The following LHPP variants were observed in gnomAD, a reference collection of about 807,000 sequenced individuals.
LHPP encodes hLHPP.
In LHPP, 24 loss-of-function variants were observed where a neutral mutation model predicts 30.3. That is an observed-to-expected ratio of 0.79 (90% CI 0.57 to 1.11). The LOEUF is 1.11. LHPP is among the 50% of genes most tolerant of loss of function. The pLI, the probability that LHPP is intolerant of heterozygous loss-of-function variation, is 0.00. For missense variants in LHPP, 356 were observed against 367.2 expected (o/e 0.97, Z 0.25); for synonymous variants, 150 against 157.1 (o/e 0.95, Z 0.34).
chr10:124,488,575 G>T lies in LHPP; in HGVS notation c.467G>T (p.Gly156Val). The change falls in exon 3 of 7, where the codon GGG becomes GTG. Residue 156 changes from glycine (G) to valine (V), a missense_variant and splice_region_variant. Transcript: ENST00000368842. ...CCTGTGCTCATATCACTGGGAAAAG[G>T]GTAAGTTGGCTCCAGGGAGAGTCAT... ...EKPVLISLGKGRYYKETSGLM... is the reference protein window; with the variant it reads ...EKPVLISLGKVRYYKETSGLM... 1 of 1,606,418 alleles carries T rather than the reference G, an allele frequency of 6.2e-7. No individual in the cohort carries two copies. The highest frequency in any genetic ancestry group is 1.1e-5 in the South Asian group (1 of 89,896).
At chr10:124,560,678 G>A (rs1311732231) in intron 6 of LHPP, among the ~76,000 whole-genome samples, 1 of 152,192 alleles carries the variant, frequency 6.6e-6, no homozygotes, top group Non-Finnish European at 1.5e-5. Context: ...GCACTAGCCG[G>A]GGACGAGGGG....
At chr10:124,490,401 TC>T in intron 3 of LHPP, 1 of 330,298 alleles carries the variant, frequency 3.0e-6, no homozygotes, top group Non-Finnish European at 6.4e-6. Context: ...CCAGGCAAAC[TC>T]CTTCCTGCAA....
At chr10:124,537,510 A>G (rs1955057410) in intron 6 of LHPP, among the ~76,000 whole-genome samples, 1 of 152,344 alleles carries the variant, frequency 6.6e-6, no homozygotes, top group East Asian at 1.9e-4. Context: ...ACTCCTGTCC[A>G]CTGCTCAGCA....
At chr10:124,582,027 C>T (rs1407885762) in intron 6 of LHPP, among the ~76,000 whole-genome samples, 2 of 152,058 alleles carry the variant, frequency 1.3e-5, no homozygotes, top group East Asian at 3.9e-4. Context: ...CGTGATCCAC[C>T]CACCTTGGCC....
In LHPP at chr10:124,581,756, CAT is replaced by C. The variant is rs1179178725; in HGVS notation, c.717-31503_717-31502del. Among the ~76,000 whole-genome samples the C allele has an allele frequency of 4.8e-5, 5 of 105,232 alleles. No homozygotes were observed. The South Asian group carries it at 9.8e-4, about 21-fold the overall frequency. 69.0% of individuals were successfully genotyped at this position (105,232 alleles called of 152,430 possible). A position where few individuals can be genotyped will look rare whatever the true frequency, so the allele number is the denominator to read the frequency against. ...ATTTTTTGCACAATTTTAATACATA[CAT>C]ATATGTATATACACACACACACACA... is the stretch of plus-strand genomic sequence containing the variant. On this transcript the variant is annotated intron_variant, in intron 6 of 6. Transcript: ENST00000368842.
intron 1 of LHPP, among the ~76,000 whole-genome samples, chr10:124,477,209 A>G (rs1002318635): frequency 2.0e-5 from 3 of 152,212 alleles, no homozygotes; most frequent in Non-Finnish European, 4.4e-5. Context: ...TCTCAAAACA[A>G]AAACATTTCA....
At chr10:124,532,536 C>T (rs1298069784) in intron 6 of LHPP, among the ~76,000 whole-genome samples, 1 of 152,248 alleles carries the variant, frequency 6.6e-6, no homozygotes, top group African/African-American at 2.4e-5. Flanking sequence ...GCCTGGCTTC[C>T]TCATTCTCTC....
intron 6 of LHPP, among the ~76,000 whole-genome samples, chr10:124,611,046 G>A (rs189343629): frequency 2.6e-5 from 4 of 151,570 alleles, no homozygotes; most frequent in African/African-American, 9.7e-5. Flanking sequence ...GCGGGTGCGG[G>A]TGAGGGGGCC....
chr10:124,600,070 A>C (rs1165147169), intron 6 of LHPP, among the ~76,000 whole-genome samples: 4 of 152,316 alleles, frequency 2.6e-5, no homozygotes, highest in African/African-American at 9.6e-5. Context: ...AGGCAGGGGC[A>C]GTTGGGGACA....
chr10:124,557,115 C>T (rs2133966553), intron 6 of LHPP, among the ~76,000 whole-genome samples: 1 of 152,282 alleles, frequency 6.6e-6, no homozygotes, highest in African/African-American at 2.4e-5. Context: ...TCCACGCGGA[C>T]CAGGGTTCAA....
intron 6 of LHPP, among the ~76,000 whole-genome samples, chr10:124,574,263 C>A (rs774428305): frequency 2.0e-5 from 3 of 152,230 alleles, no homozygotes; most frequent in African/African-American, 7.2e-5. Flanking sequence ...GGCAGCGTGG[C>A]GCTGAGGGGC....
At chr10:124,548,052 C>T (rs1422700033) in intron 6 of LHPP, among the ~76,000 whole-genome samples, 7 of 152,242 alleles carry the variant, frequency 4.6e-5, no homozygotes, top group Non-Finnish European at 1.0e-4. Flanking sequence ...GGTCAGCAAG[C>T]TCCCTTTGTC....
intron 6 of LHPP, among the ~76,000 whole-genome samples, chr10:124,577,022 G>A (rs4962660): frequency 0.49 from 73,896 of 152,072 alleles, 18,785 homozygotes; most frequent in African/African-American, 0.63. Flanking sequence ...TAAGGAAACC[G>A]AATAATAGAG....
At chr10:124,489,289 G>A (rs899769877) in intron 3 of LHPP, among the ~76,000 whole-genome samples, 1 of 152,182 alleles carries the variant, frequency 6.6e-6, no homozygotes, top group African/African-American at 2.4e-5. Context: ...GTGGCTTCCT[G>A]TGCGAATAGA....
rs1018449072 is a variant in LHPP, at chr10:124,510,270, C to T, written c.625-6910C>T. On this transcript the variant is annotated intron_variant, in intron 5 of 6. Transcript: ENST00000368842. The surrounding 1 kb of genome is among the most constrained non-coding windows in gnomAD (Gnocchi z 4.0). ...ATTTGGCAATAATTGCTCCTCCTTG[C>T]GTGATTATTGCCCTTCACCGATAGT... Among the ~76,000 whole-genome samples, 3 of 152,192 alleles carry T rather than the reference C, an allele frequency of 2.0e-5. No homozygotes were observed. The highest frequency in any genetic ancestry group is 4.4e-5 in the Non-Finnish European group (3 of 68,032).
intron 2 of LHPP, 55 bp downstream of exon 2, chr10:124,484,381 G>C: frequency 1.3e-6 from 2 of 1,530,254 alleles, no homozygotes; most frequent in Non-Finnish European, 1.8e-6. Context: ...CTTTCCCAGG[G>C]TGGGGGCTGT....
At position 124,576,508 on chromosome 10, in the gene LHPP, C is replaced by T. The variant is rs1948665001; in HGVS notation, c.717-36756C>T. ...TCCCACTCCCTACCATATGCTGTTC[C>T]CAGACCCCCCTCCATGGCCTGCCCC... On this transcript the variant is annotated intron_variant, in intron 6 of 6. Transcript: ENST00000368842. This position sits in a 1 kb window ranked among gnomAD's most constrained non-coding sequence, Gnocchi z 4.2. Among the ~76,000 whole-genome samples the T allele has an allele frequency of 6.7e-6, 1 of 148,538 alleles. No individual in the cohort carries two copies. The highest frequency in any genetic ancestry group is 2.5e-5 in the African/African-American group (1 of 39,856).
chr10:124,579,333 A>G (rs1362071781), intron 6 of LHPP, among the ~76,000 whole-genome samples: 2 of 152,188 alleles, frequency 1.3e-5, no homozygotes, highest in Non-Finnish European at 2.9e-5. Flanking sequence ...TTTCCCCTCA[A>G]CTATATTCGC....
At chr10:124,526,139 C>T (rs954899273) in intron 6 of LHPP, 10 of 981,298 alleles carry the variant, frequency 1.0e-5, no homozygotes, top group Non-Finnish European at 1.2e-5. Flanking sequence ...AGGGCCCTCT[C>T]TTCTCCCTAG....
Sources: gnomAD v4.1 joint callset for allele counts (sites outside exome capture counted in the v4.1 genomes callset) on GRCh38, gnomAD v4.1.1 for gene constraint, Gnocchi (gnomAD v3.1) non-coding constraint, MANE v1.5 for transcripts, NCBI Gene and HGNC (gene_info 2026-07-23, HGNC 2026-07-21) for gene names.